The following ANGPT1 variants were observed in gnomAD, a reference collection of about 807,000 sequenced individuals.
ANGPT1 encodes angiopoietin 1.
Under a neutral mutation model 62.2 loss-of-function variants are expected in ANGPT1, and 17 were observed. The ratio of observed to expected loss-of-function variants is 0.27; its 90% CI spans 0.19 to 0.41. ANGPT1 has a LOEUF of 0.41. Among genes scored for constraint, ANGPT1 ranks in the 10% least tolerant of loss-of-function variants. The pLI is 1.00. For missense variants in ANGPT1, 478 were observed against 594.9 expected, an observed-to-expected ratio of 0.80 and a Z score of 2.04; for synonymous variants, 199 against 198.9, an observed-to-expected ratio of 1.00 and a Z score of 0.00.
At chr8:107,350,872 T>C (rs967035469) in intron 1 of ANGPT1, among the ~76,000 whole-genome samples, 40 of 152,164 alleles carry the variant, frequency 2.6e-4, no homozygotes, top group Non-Finnish European at 1.0e-4. Flanking sequence ...TGCTTTCATC[T>C]TATCTCTAAA....
intron 2 of ANGPT1, among the ~76,000 whole-genome samples, chr8:107,338,623 T>TA (rs1271117930): frequency 6.6e-6 from 1 of 152,228 alleles, no homozygotes; most frequent in East Asian, 1.9e-4. Flanking sequence ...TTCAGCGTTT[T>TA]AAAAAACATT....
At chr8:107,472,839 C>A (rs762448005) in intron 1 of ANGPT1, among the ~76,000 whole-genome samples, 1 of 151,872 alleles carries the variant, frequency 6.6e-6, no homozygotes, top group African/African-American at 2.4e-5. Context: ...TCCCATACAA[C>A]AAAAGCAGGA....
intron 1 of ANGPT1, among the ~76,000 whole-genome samples, chr8:107,430,532 T>C (rs887037230): frequency 3.9e-5 from 6 of 152,218 alleles, no homozygotes; most frequent in Non-Finnish European, 8.8e-5. Context: ...GTCCCCCTTC[T>C]AAACCTTGGA....
chr8:107,316,734 G>T (rs187169113), intron 4 of ANGPT1, among the ~76,000 whole-genome samples: 1 of 152,108 alleles, frequency 6.6e-6, no homozygotes, highest in East Asian at 1.9e-4. Context: ...TTCATTTTAA[G>T]ACTTAGGCTA....
intron 1 of ANGPT1, among the ~76,000 whole-genome samples, chr8:107,487,117 A>G (rs1812833827): frequency 6.6e-6 from 1 of 151,736 alleles, no homozygotes; most frequent in South Asian, 2.1e-4. Flanking sequence ...CCCCTCCCCC[A>G]TGTCCCAATA....
At chr8:107,260,068 A>G (rs1400478045) in intron 8 of ANGPT1, among the ~76,000 whole-genome samples, 2 of 152,166 alleles carry the variant, frequency 1.3e-5, no homozygotes, top group African/African-American at 4.8e-5. Context: ...TTTAATAGTA[A>G]TTAACCCCCT....
At chr8:107,313,439 T>TTG (rs1357940560) in intron 4 of ANGPT1, among the ~76,000 whole-genome samples, 8 of 124,468 alleles carry the variant, frequency 6.4e-5, no homozygotes, top group African/African-American at 2.1e-4. Flanking sequence ...GTTTTTTTTT[T>TTG]TTTTTTTTTT....
intron 6 of ANGPT1, among the ~76,000 whole-genome samples, chr8:107,288,667 T>C (rs1814202271): frequency 1.3e-5 from 2 of 152,094 alleles, no homozygotes; most frequent in African/African-American, 2.4e-5. Flanking sequence ...ATATTCCAAG[T>C]GCAAACTAAA....
intron 1 of ANGPT1, among the ~76,000 whole-genome samples, chr8:107,419,888 A>T (rs1260374924): frequency 6.6e-6 from 1 of 152,180 alleles, no homozygotes; most frequent in Non-Finnish European, 1.5e-5. Flanking sequence ...CTCATATTGC[A>T]CTGCTATTTG....
chr8:107,447,353 G>C (rs1268853037), intron 1 of ANGPT1, among the ~76,000 whole-genome samples: 1 of 152,124 alleles, frequency 6.6e-6, no homozygotes, highest in Non-Finnish European at 1.5e-5. Context: ...TTCCCTCTAT[G>C]GTACAGAATT....
At chr8:107,271,904 T>TAAA (rs35257524) in intron 7 of ANGPT1, among the ~76,000 whole-genome samples, 21 of 138,236 alleles carry the variant, frequency 1.5e-4, no homozygotes, top group Non-Finnish European at 3.0e-4. Flanking sequence ...TTGATACTGG[T>TAAA]AAAAAAAAAA....
At chr8:107,397,560 G>A (rs1467866560) in intron 1 of ANGPT1, among the ~76,000 whole-genome samples, 5 of 152,050 alleles carry the variant, frequency 3.3e-5, no homozygotes, top group Admixed American at 3.3e-4. Flanking sequence ...GGTTTTCAAG[G>A]ATCACTTCTT....
At chr8:107,432,981 T>C (rs1811234020) in intron 1 of ANGPT1, among the ~76,000 whole-genome samples, 2 of 152,198 alleles carry the variant, frequency 1.3e-5, no homozygotes, top group African/African-American at 4.8e-5. Flanking sequence ...AGAGAGTTTT[T>C]ATAAAAGCAA....
chr8:107,437,006 T>C (rs953932079), intron 1 of ANGPT1, among the ~76,000 whole-genome samples: 3 of 152,198 alleles, frequency 2.0e-5, no homozygotes, highest in African/African-American at 7.2e-5. Flanking sequence ...ATTATTAGTA[T>C]CTCTAATTAT....
chr8:107,454,662 C>T (rs1811868016), intron 1 of ANGPT1, among the ~76,000 whole-genome samples: 1 of 152,046 alleles, frequency 6.6e-6, no homozygotes, highest in Non-Finnish European at 1.5e-5. Flanking sequence ...AATGCAAACC[C>T]TAAGTATTCA....
At chr8:107,342,687 G>A (rs181399540) in intron 2 of ANGPT1, among the ~76,000 whole-genome samples, 339 of 151,770 alleles carry the variant, frequency 2.2e-3, no homozygotes, top group African/African-American at 7.7e-3. Flanking sequence ...ACTAATTACA[G>A]GATATTTTCC....
chr8:107,454,864 G>A (rs1396713219), intron 1 of ANGPT1, among the ~76,000 whole-genome samples: 1 of 152,022 alleles, frequency 6.6e-6, no homozygotes, highest in African/African-American at 2.4e-5. Context: ...TTATTGAGAA[G>A]GCAAAGAACA....
intron 1 of ANGPT1, among the ~76,000 whole-genome samples, chr8:107,421,250 T>C (rs1810888211): frequency 1.3e-5 from 2 of 152,198 alleles, no homozygotes; most frequent in South Asian, 4.1e-4. Context: ...GCATTTCTCA[T>C]TGTGAGTGAA....
At chr8:107,262,656 A>G (rs1015075553) in intron 8 of ANGPT1, among the ~76,000 whole-genome samples, 3 of 152,220 alleles carry the variant, frequency 2.0e-5, no homozygotes, top group Non-Finnish European at 2.9e-5. Flanking sequence ...ATATGAAATC[A>G]TGTTTTGTAA....
Sources: allele counts gnomAD v4.1 joint callset (sites outside exome capture counted in the v4.1 genomes callset), GRCh38; gene constraint gnomAD v4.1.1; transcripts MANE v1.5; gene names NCBI Gene and HGNC (gene_info 2026-07-23, HGNC 2026-07-21).